RPH3A: variants seen among roughly 807,000 people sequenced by gnomAD.
The protein encoded by RPH3A is rabphilin-3A.
In RPH3A, 48 loss-of-function variants were observed where a neutral mutation model predicts 102.2. The observed-to-expected ratio is 0.47, with a 90% confidence interval of 0.37 to 0.60. RPH3A has a LOEUF of 0.60. RPH3A is among the 20% of genes least tolerant of loss of function. RPH3A has a pLI of 0.00. For missense variants in RPH3A, 781 were observed against 910.1 expected (o/e 0.86, Z 1.83); for synonymous variants, 310 against 324.3 (o/e 0.96, Z 0.47).
At chr12:112,692,834 T>C (rs1322731013) in intron 1 of RPH3A, among the ~76,000 whole-genome samples, 1 of 152,240 alleles carries the variant, frequency 6.6e-6, no homozygotes, top group Non-Finnish European at 1.5e-5. Context: ...TAGCCTTTAG[T>C]GATTGAGTGC....
intron 1 of RPH3A, among the ~76,000 whole-genome samples, chr12:112,729,649 G>A (rs1000437177): frequency 2.6e-5 from 4 of 152,198 alleles, no homozygotes; most frequent in Admixed American, 2.6e-4. Context: ...TAGAGTGGAG[G>A]AAGGTGAACT....
At chr12:112,842,863 C>T (rs1472015515) in intron 4 of RPH3A, among the ~76,000 whole-genome samples, 6 of 152,202 alleles carry the variant, frequency 3.9e-5, no homozygotes, top group African/African-American at 1.4e-4. Context: ...GATGCATGCC[C>T]TATTAACATT....
intron 1 of RPH3A, among the ~76,000 whole-genome samples, chr12:112,691,928 A>G (rs1566261283): frequency 6.6e-6 from 1 of 152,232 alleles, no homozygotes; most frequent in Non-Finnish European, 1.5e-5. Context: ...ATAGAAATAG[A>G]ATGTGACAGA....
intron 1 of RPH3A, among the ~76,000 whole-genome samples, chr12:112,589,526 T>A (rs2039461335): frequency 6.6e-6 from 1 of 152,204 alleles, no homozygotes. Context: ...GAGATTTGCC[T>A]GGCTCTCCCA....
intron 1 of RPH3A, among the ~76,000 whole-genome samples, chr12:112,614,896 T>C (rs1052070143): frequency 6.6e-6 from 1 of 152,076 alleles, no homozygotes; most frequent in Non-Finnish European, 1.5e-5. Flanking sequence ...GTGAGCCTCC[T>C]CTCTCAGCCT....
rs11447068 is a variant in RPH3A at position 112,841,173 on chromosome 12, T to TAAAAAAAAAAAAAAAAAA, written c.83+4675_83+4692dup. On this transcript the variant is annotated intron_variant, in intron 4 of 21. Transcript: ENST00000389385. ...GGCAACATAACAAGACCTTGTTTCT[T>TAAAAAAAAAAAAAAAAAA]AAAAAAAAAAAAAAAAAAAAAGCCT... Among the ~76,000 whole-genome samples, 105 of 33,324 alleles carry TAAAAAAAAAAAAAAAAAA rather than the reference T, an allele frequency of 3.2e-3. 7 individuals are homozygous for TAAAAAAAAAAAAAAAAAA. Among genetic ancestry groups the TAAAAAAAAAAAAAAAAAA allele is most frequent in the East Asian group, 7.9e-3 (7 of 884 alleles). 21.9% of individuals were successfully genotyped at this position (33,324 alleles called of 152,430 possible).
chr12:112,592,454 G>C (rs1346644151), intron 1 of RPH3A, among the ~76,000 whole-genome samples: 2 of 152,096 alleles, frequency 1.3e-5, no homozygotes, highest in African/African-American at 2.4e-5. Flanking sequence ...AAGTAGCTGG[G>C]ATTACGGGCA....
chr12:112,685,523 T>A (rs1050085232), intron 1 of RPH3A, among the ~76,000 whole-genome samples: 1 of 152,120 alleles, frequency 6.6e-6, no homozygotes, highest in African/African-American at 2.4e-5. Flanking sequence ...GATGATGAAA[T>A]CATACTTTTT....
chr12:112,729,449 G>T (rs990958633), intron 1 of RPH3A, among the ~76,000 whole-genome samples: 1 of 152,126 alleles, frequency 6.6e-6, no homozygotes, highest in African/African-American at 2.4e-5. Context: ...GCCTCCCAAA[G>T]TGCTAGGATT....
At chr12:112,696,041 G>A (rs2040349326) in intron 1 of RPH3A, among the ~76,000 whole-genome samples, 1 of 152,066 alleles carries the variant, frequency 6.6e-6, no homozygotes, top group Non-Finnish European at 1.5e-5. Flanking sequence ...TTATGACTTT[G>A]CATCCTCATA....
At chr12:112,774,375 G>GA (rs1394432323) in intron 1 of RPH3A, among the ~76,000 whole-genome samples, 1 of 152,146 alleles carries the variant, frequency 6.6e-6, no homozygotes, top group Non-Finnish European at 1.5e-5. Context: ...AATATTTATG[G>GA]AAAGAGAACA....
chr12:112,775,282 A>G (rs2040958674), intron 1 of RPH3A, among the ~76,000 whole-genome samples: 1 of 152,244 alleles, frequency 6.6e-6, no homozygotes. Flanking sequence ...AAATATGAAT[A>G]CCAAAAAAAG....
At position 112,875,750 on chromosome 12, in the gene RPH3A, C is replaced by A; in HGVS notation, c.946+9C>A. ...TCCAGATCAGAAGCCAGGCAAGTAT[C>A]TGCTTCCTCCCATGCCTGCCCAAGT... On this transcript the variant is annotated intron_variant, in intron 12 of 21. Coordinates refer to ENST00000389385, the MANE Select transcript of RPH3A (RefSeq NM_001143854.2). The A allele has an allele frequency of 6.2e-7, 1 of 1,613,572 alleles. No homozygotes were observed. The highest frequency in any genetic ancestry group is 8.5e-7 in the Non-Finnish European group (1 of 1,179,766).
At chr12:112,798,986 T>G (rs1254165518) in intron 2 of RPH3A, among the ~76,000 whole-genome samples, 3 of 152,146 alleles carry the variant, frequency 2.0e-5, no homozygotes, top group Non-Finnish European at 4.4e-5. Flanking sequence ...GGAATGCATT[T>G]GTGAATTCAT....
intron 7 of RPH3A, among the ~76,000 whole-genome samples, chr12:112,867,583 G>A (rs901552055): frequency 1.3e-5 from 2 of 152,150 alleles, no homozygotes; most frequent in African/African-American, 4.8e-5. Context: ...AGTCACCCTA[G>A]CACCAGCAAA....
intron 2 of RPH3A, among the ~76,000 whole-genome samples, chr12:112,815,015 G>A (rs565302033): frequency 2.6e-5 from 4 of 152,302 alleles, no homozygotes; most frequent in South Asian, 2.1e-4. Context: ...AAGTGGATGC[G>A]GGAGAGAAAG....
At chr12:112,801,854 G>C (rs774868417) in intron 2 of RPH3A, among the ~76,000 whole-genome samples, 2 of 151,916 alleles carry the variant, frequency 1.3e-5, no homozygotes, top group Non-Finnish European at 2.9e-5. Context: ...TCTATTGCTT[G>C]TATATGTCCC....
At chr12:112,730,103 T>C (rs2136048153) in intron 1 of RPH3A, among the ~76,000 whole-genome samples, 1 of 152,340 alleles carries the variant, frequency 6.6e-6, no homozygotes, top group Non-Finnish European at 1.5e-5. Flanking sequence ...CAGTGATTTC[T>C]GGCAACCACC....
intron 1 of RPH3A, among the ~76,000 whole-genome samples, chr12:112,640,558 C>T (rs780326850): frequency 5.9e-5 from 9 of 151,826 alleles, no homozygotes; most frequent in South Asian, 2.1e-4. Flanking sequence ...CTGGGCCATT[C>T]GATGTCCAGT....
Sources: allele counts gnomAD v4.1 joint callset (sites outside exome capture counted in the v4.1 genomes callset), GRCh38; gene constraint gnomAD v4.1.1; transcripts MANE v1.5; gene names NCBI Gene and HGNC (gene_info 2026-07-23, HGNC 2026-07-21).